LRRTM3: variants seen among roughly 807,000 people sequenced by gnomAD.
The protein encoded by LRRTM3 is leucine rich repeat transmembrane neuronal 3, also known as leucine-rich repeat transmembrane neuronal protein 3.
A neutral mutation model predicts 44.7 loss-of-function variants in LRRTM3; 24 were observed. That is an observed-to-expected ratio of 0.54 (90% CI 0.39 to 0.76). LRRTM3 has a LOEUF of 0.76. Ranked by LOEUF, LRRTM3 falls within the 30% of genes least tolerant of loss-of-function variation. The probability of loss-of-function intolerance (pLI) is 0.00; values close to 1 mark genes in which losing one functional copy is unlikely to be tolerated. For missense variants in LRRTM3, 587 were observed against 702.2 expected (o/e 0.84, Z 1.85); for synonymous variants, 277 against 278.7 (o/e 0.99, Z 0.06).
At chr10:67,012,371 AT>A (rs1396267473) in intron 2 of LRRTM3, 3 of 152,146 alleles carry the variant, frequency 2.0e-5, no homozygotes, top group African/African-American at 4.8e-5. Context: ...TCTCTATAGT[AT>A]CTTCTCCCCT....
At position 66,972,855 on chromosome 10, in the gene LRRTM3, C is replaced by T. The variant is rs570097293; in HGVS notation, c.1536+44403C>T. On this transcript the variant is annotated intron_variant, in intron 2 of 2. Transcript: ENST00000361320. ...CCTTCTGAGTAGCTGGAATTACAGG[C>T]GCCTGCCACCACGCCTGGCTAATTG... Among the ~76,000 whole-genome samples the T allele has an allele frequency of 2.3e-4, 35 of 151,540 alleles. No individual in the cohort carries two copies. In the South Asian group the frequency reaches 4.2e-3, roughly 18 times the overall value.
At chr10:67,023,635 G>A (rs1853167164) in intron 2 of LRRTM3, among the ~76,000 whole-genome samples, 2 of 152,120 alleles carry the variant, frequency 1.3e-5, no homozygotes. Context: ...GCTAATTCCT[G>A]TCTCTATACT....
At chr10:67,031,202 T>C (rs1853705714) in intron 2 of LRRTM3, among the ~76,000 whole-genome samples, 1 of 152,168 alleles carries the variant, frequency 6.6e-6, no homozygotes, top group Admixed American at 6.5e-5. Flanking sequence ...TATAAATTGA[T>C]ATATATGTCT....
At chr10:67,011,058 G>A (rs757134046) in intron 2 of LRRTM3, among the ~76,000 whole-genome samples, 2 of 152,020 alleles carry the variant, frequency 1.3e-5, no homozygotes, top group East Asian at 1.9e-4. Context: ...GGCCAGGCGC[G>A]GTGGCTCACG....
At chr10:66,967,659 TA>T (rs1156694219) in intron 2 of LRRTM3, among the ~76,000 whole-genome samples, 1 of 152,042 alleles carries the variant, frequency 6.6e-6, no homozygotes, top group African/African-American at 2.4e-5. Flanking sequence ...ACACATTTTC[TA>T]ACATTTATTA....
intron 2 of LRRTM3, among the ~76,000 whole-genome samples, chr10:67,007,402 T>C (rs1197775558): frequency 3.2e-5 from 4 of 124,352 alleles, no homozygotes; most frequent in African/African-American, 4.5e-5. Context: ...CAATCTGACT[T>C]TTTTTTTTTA....
Position 67,077,756 on chromosome 10 carries a change from C to T in LRRTM3, c.1537-19831C>T, listed in dbSNP as rs143321958. ...TATTTCTATTTATTCGCTCATCTCA[C>T]TAGCACCTAAGACAGTAGGTGGCAT... is the stretch of plus-strand genomic sequence containing the variant. On this transcript the variant is annotated intron_variant, in intron 2 of 2. Transcript: ENST00000361320. 3.8e-3 allele frequency among the ~76,000 whole-genome samples: 581 copies of T among 152,204 alleles called. 5 individuals are homozygous for T. Among genetic ancestry groups the T allele is most frequent in the African/African-American group, 0.013 (557 of 41,508 alleles).
At chr10:66,959,337 C>A (rs371806250) in intron 2 of LRRTM3, among the ~76,000 whole-genome samples, 18 of 152,180 alleles carry the variant, frequency 1.2e-4, no homozygotes, top group African/African-American at 4.3e-4. Flanking sequence ...GAAACCAAGA[C>A]AGGATTTCTA....
At chr10:66,930,769 T>G (rs1478043539) in intron 2 of LRRTM3, among the ~76,000 whole-genome samples, 1 of 152,144 alleles carries the variant, frequency 6.6e-6, no homozygotes, top group Non-Finnish European at 1.5e-5. Context: ...TTGAAAGCTG[T>G]CACTTTTTAA....
Position 67,100,280 on chromosome 10 carries a change from C to T in LRRTM3, c.*2484C>T, listed in dbSNP as rs1279299122. The stretch of plus-strand genomic sequence containing the variant: ...ACCTTGGAACCACAGCTCTGTGCAA[C>T]CAAGGCCCTAAGCTACACCAAATAC... On this transcript the variant is annotated 3_prime_UTR_variant, in exon 3 of 3. Coordinates refer to ENST00000361320, the MANE Select transcript of LRRTM3 (RefSeq NM_178011.5). Among the ~76,000 whole-genome samples the T allele has an allele frequency of 6.6e-6, 1 of 151,680 alleles. No individual in the cohort carries two copies. Among genetic ancestry groups the T allele is most frequent in the African/African-American group, 2.4e-5 (1 of 41,358 alleles).
At chr10:66,968,361 A>T (rs1355564791) in intron 2 of LRRTM3, among the ~76,000 whole-genome samples, 2 of 150,042 alleles carry the variant, frequency 1.3e-5, no homozygotes, top group Non-Finnish European at 3.0e-5. Flanking sequence ...TATATATATA[A>T]AACACATCGA....
intron 2 of LRRTM3, among the ~76,000 whole-genome samples, chr10:67,090,062 T>C (rs762002965): frequency 2.6e-5 from 4 of 152,100 alleles, no homozygotes; most frequent in South Asian, 2.1e-4. Flanking sequence ...ATATTTTAAC[T>C]GGAAAATATC....
At chr10:67,089,782 C>T (rs569096622) in intron 2 of LRRTM3, among the ~76,000 whole-genome samples, 63 of 150,458 alleles carry the variant, frequency 4.2e-4, no homozygotes, top group African/African-American at 1.3e-3. Flanking sequence ...GTATTTGTCT[C>T]CTAGGCCCCC....
At chr10:67,037,662 T>C (rs556319759) in intron 2 of LRRTM3, among the ~76,000 whole-genome samples, 2 of 152,270 alleles carry the variant, frequency 1.3e-5, no homozygotes, top group African/African-American at 4.8e-5. Context: ...AGGAACTAAG[T>C]AGAAAGTTAC....
intron 2 of LRRTM3, among the ~76,000 whole-genome samples, chr10:67,082,325 G>A (rs1397956540): frequency 6.6e-6 from 1 of 152,150 alleles, no homozygotes. Context: ...AGTCATAAGT[G>A]CTAGATTTAT....
At chr10:66,997,046 T>C (rs1183752469) in intron 2 of LRRTM3, among the ~76,000 whole-genome samples, 1 of 152,176 alleles carries the variant, frequency 6.6e-6, no homozygotes, top group Non-Finnish European at 1.5e-5. Flanking sequence ...CTGTTTATAT[T>C]AATACTAACA....
chr10:67,005,682 C>CTT lies in LRRTM3; in HGVS notation c.1536+77250_1536+77251dup, dbSNP rs11369576. 2.8e-3 allele frequency among the ~76,000 whole-genome samples: 176 copies of CTT among 61,966 alleles called. 18 individuals carry two copies. Among genetic ancestry groups the CTT allele is most frequent in the African/African-American group, 6.8e-3 (127 of 18,552 alleles). 40.7% of individuals were successfully genotyped at this position (61,966 alleles called of 152,430 possible). On this transcript the variant is annotated intron_variant, in intron 2 of 2. Transcript: ENST00000361320. The stretch of plus-strand genomic sequence containing the variant: ...AATGCTTTTGTTTATTTTACTCCAT[C>CTT]TTTTTTTTTTTTTTTTTTTTTGAGA...
At chr10:67,094,029 C>T (rs1319505588) in intron 2 of LRRTM3, among the ~76,000 whole-genome samples, 3 of 151,766 alleles carry the variant, frequency 2.0e-5, no homozygotes, top group Admixed American at 6.6e-5. Context: ...ACTTCCTACT[C>T]GAATTAACTT....
At chr10:67,072,909 C>T (rs902301154) in intron 2 of LRRTM3, among the ~76,000 whole-genome samples, 2 of 47,496 alleles carry the variant, frequency 4.2e-5, no homozygotes, top group African/African-American at 3.1e-4. Flanking sequence ...CCTATGCAGC[C>T]TCAAAACACA....
Sources: allele counts gnomAD v4.1 joint callset (sites outside exome capture counted in the v4.1 genomes callset), GRCh38; gene constraint gnomAD v4.1.1; transcripts MANE v1.5; gene names NCBI Gene and HGNC (gene_info 2026-07-23, HGNC 2026-07-21).